The following C8orf34 variants were observed in gnomAD, a reference collection of about 807,000 sequenced individuals.
C8orf34 encodes chromosome 8 open reading frame 34.
In C8orf34, 65 loss-of-function variants were observed where a neutral mutation model predicts 68.3. That is an observed-to-expected ratio of 0.95 (90% CI 0.78 to 1.17). The LOEUF (loss-of-function observed/expected upper bound fraction) is 1.17, where lower values mean the gene tolerates loss of function less well. Among genes scored for constraint, C8orf34 ranks in the 50% most tolerant of loss-of-function variants. The probability of loss-of-function intolerance (pLI) is 0.00; values close to 1 mark genes in which losing one functional copy is unlikely to be tolerated. For missense variants in C8orf34, 664 were observed against 655.4 expected, an observed-to-expected ratio of 1.01 and a Z score of -0.14; for synonymous variants, 244 against 241.2, an observed-to-expected ratio of 1.01 and a Z score of -0.11.
intron 8 of C8orf34, among the ~76,000 whole-genome samples, chr8:68,699,379 C>G (rs985746082): frequency 6.6e-6 from 1 of 152,120 alleles, no homozygotes; most frequent in African/African-American, 2.4e-5. Context: ...AGGGCTGCCT[C>G]TAGCTCAGAT....
intron 5 of C8orf34, among the ~76,000 whole-genome samples, chr8:68,508,730 G>A (rs1410665677): frequency 6.6e-6 from 1 of 152,154 alleles, no homozygotes; most frequent in East Asian, 1.9e-4. Flanking sequence ...ACAAGCATAG[G>A]TGTGTCTTTC....
intron 8 of C8orf34, among the ~76,000 whole-genome samples, chr8:68,680,117 A>G (rs1272175090): frequency 6.6e-6 from 1 of 152,170 alleles, no homozygotes; most frequent in Non-Finnish European, 1.5e-5. Context: ...AAAGGAAACA[A>G]TCAACAAAGT....
intron 10 of C8orf34, among the ~76,000 whole-genome samples, chr8:68,733,534 A>G (rs777341611): frequency 6.6e-6 from 1 of 152,202 alleles, no homozygotes; most frequent in Non-Finnish European, 1.5e-5. Context: ...ACTACATCAT[A>G]CAATAACTAG....
intron 3 of C8orf34, among the ~76,000 whole-genome samples, chr8:68,458,830 G>T (rs928478055): frequency 3.9e-5 from 6 of 152,168 alleles, no homozygotes; most frequent in Non-Finnish European, 5.9e-5. Context: ...CCTGTCCCAG[G>T]TTCCCTTAAA....
intron 7 of C8orf34, among the ~76,000 whole-genome samples, chr8:68,636,168 C>T (rs1398094559): frequency 6.6e-6 from 1 of 152,050 alleles, no homozygotes. Flanking sequence ...TGGCTTTCTC[C>T]AGTTGGTTCT....
chr8:68,546,657 T>C (rs1466026508), intron 7 of C8orf34, among the ~76,000 whole-genome samples: 1 of 151,770 alleles, frequency 6.6e-6, no homozygotes, highest in Non-Finnish European at 1.5e-5. Context: ...TATAGTACAA[T>C]ATGCCAAACA....
At chr8:68,344,357 G>T (rs558415780) in intron 1 of C8orf34, among the ~76,000 whole-genome samples, 121 of 152,162 alleles carry the variant, frequency 8.0e-4, no homozygotes, top group Non-Finnish European at 1.3e-3. Flanking sequence ...ATAAAATAGT[G>T]ACAAAATTTT....
chr8:68,505,292 A>T (rs181552315), intron 5 of C8orf34, among the ~76,000 whole-genome samples: 207 of 152,332 alleles, frequency 1.4e-3, no homozygotes, highest in Non-Finnish European at 2.6e-3. Flanking sequence ...AATTATGTCG[A>T]TAATGTATTA....
At chr8:68,733,653 T>C (rs1822046282) in intron 10 of C8orf34, among the ~76,000 whole-genome samples, 1 of 152,202 alleles carries the variant, frequency 6.6e-6, no homozygotes, top group Non-Finnish European at 1.5e-5. Context: ...CAAAAAACTA[T>C]TCATCAGCTT....
rs180888104 is a variant in C8orf34, at chr8:68,389,724, C to T, written c.328-49775C>T. ...GTTACAAATTAAAAACCTGAAGGTG[C>T]GAGCAAATAAAAGAAGGTGATTTTT... On this transcript the variant is annotated intron_variant, in intron 1 of 13. Transcript: ENST00000518698. 2.1e-3 allele frequency among the ~76,000 whole-genome samples: 313 copies of T among 152,104 alleles called. 1 individual carries two copies. The highest frequency in any genetic ancestry group is 7.3e-3 in the African/African-American group (303 of 41,508).
intron 1 of C8orf34, among the ~76,000 whole-genome samples, chr8:68,383,382 G>A (rs1272563170): frequency 2.6e-5 from 4 of 152,118 alleles, no homozygotes; most frequent in Non-Finnish European, 5.9e-5. Flanking sequence ...ATGGTGACTG[G>A]TAATGTATGA....
At chr8:68,439,771 T>G (rs1444911937) in intron 2 of C8orf34, 125 bp downstream of exon 2, 2 of 837,550 alleles carry the variant, frequency 2.4e-6, no homozygotes, top group African/African-American at 3.5e-5. Flanking sequence ...TGTTCATCTC[T>G]GACCTTACCT....
At chr8:68,658,331 T>C (rs1371790598) in intron 8 of C8orf34, among the ~76,000 whole-genome samples, 2 of 152,188 alleles carry the variant, frequency 1.3e-5, no homozygotes, top group Non-Finnish European at 2.9e-5. Flanking sequence ...TATCCATTAC[T>C]GTTCCATTCA....
At chr8:68,447,097 G>A (rs1245023616) in intron 3 of C8orf34, 1 of 153,650 alleles carries the variant, frequency 6.5e-6, no homozygotes, top group South Asian at 1.8e-4. Flanking sequence ...GCCGCAGGAA[G>A]CTTCCACTCA....
At chr8:68,475,219 A>G (rs1391595415) in intron 4 of C8orf34, among the ~76,000 whole-genome samples, 1 of 152,110 alleles carries the variant, frequency 6.6e-6, no homozygotes, top group Non-Finnish European at 1.5e-5. Context: ...CAGCTCAAAT[A>G]CCATTTCCTC....
chr8:68,558,638 A>T (rs1442714933), intron 7 of C8orf34, among the ~76,000 whole-genome samples: 1 of 152,126 alleles, frequency 6.6e-6, no homozygotes, highest in Non-Finnish European at 1.5e-5. Context: ...AGAGATCACA[A>T]GCACAGGAAG....
chr8:68,457,004 C>T (rs1167840817), intron 3 of C8orf34, among the ~76,000 whole-genome samples: 1 of 152,170 alleles, frequency 6.6e-6, no homozygotes, highest in Non-Finnish European at 1.5e-5. Context: ...ATAGTGAATG[C>T]TGATCCTTTA....
At chr8:68,451,344 T>A (rs1276500649) in intron 3 of C8orf34, among the ~76,000 whole-genome samples, 4 of 152,172 alleles carry the variant, frequency 2.6e-5, no homozygotes, top group Non-Finnish European at 5.9e-5. Flanking sequence ...CACTTATAAT[T>A]TTCTTCAAGA....
rs1182066436 is a variant in C8orf34 at position 68,386,489 on chromosome 8, A to G, written c.328-53010A>G. 3.3e-5 allele frequency among the ~76,000 whole-genome samples: 5 copies of G among 152,296 alleles called. 1 individual carries two copies. Among genetic ancestry groups the G allele is most frequent in the Admixed American group, 6.5e-5 (1 of 15,300 alleles). Reference sequence around the variant, plus strand: ...TATTCTGTATCTGTTCAGGAGACAAAGCTAGAATCTATAGGTGGAAACAAC... The same window carrying G: ...TATTCTGTATCTGTTCAGGAGACAAGGCTAGAATCTATAGGTGGAAACAAC... On this transcript the variant is annotated intron_variant, in intron 1 of 13. Coordinates refer to ENST00000518698, the MANE Select transcript of C8orf34 (RefSeq NM_052958.4).
Sources: allele counts gnomAD v4.1 joint callset (sites outside exome capture counted in the v4.1 genomes callset), GRCh38; gene constraint gnomAD v4.1.1; transcripts MANE v1.5; gene names NCBI Gene and HGNC (gene_info 2026-07-23, HGNC 2026-07-21).